Variants in OTUD7A observed in about 807,000 individuals in gnomAD.
OTUD7A encodes the protein OTU domain-containing protein 7A.
In OTUD7A, 12 loss-of-function variants were observed where a neutral mutation model predicts 65.7. The observed-to-expected ratio is 0.18, with a 90% confidence interval of 0.12 to 0.30. The LOEUF (loss-of-function observed/expected upper bound fraction) is 0.30, where lower values mean the gene tolerates loss of function less well. Ranked by LOEUF, OTUD7A falls within the 10% of genes least tolerant of loss-of-function variation. The probability of loss-of-function intolerance (pLI) is 1.00; values close to 1 mark genes in which losing one functional copy is unlikely to be tolerated. For synonymous variants in OTUD7A, 641 were observed against 586.3 expected (o/e 1.09, Z -1.35); for missense variants, 1,148 against 1,304.8 (o/e 0.88, Z 1.85).
chr15:31,578,394 A>C (rs1029046177), intron 3 of OTUD7A, among the ~76,000 whole-genome samples: 2 of 152,204 alleles, frequency 1.3e-5, no homozygotes, highest in African/African-American at 4.8e-5. Context: ...CTTCATCTGC[A>C]TAATAAAACT....
chr15:31,528,855 T>A (rs1164848160), intron 6 of OTUD7A, among the ~76,000 whole-genome samples: 3 of 152,230 alleles, frequency 2.0e-5, no homozygotes. Context: ...CCTGCGGAGT[T>A]TAGCTATATG....
intron 1 of OTUD7A, among the ~76,000 whole-genome samples, chr15:31,674,581 AC>A (rs1479616065): frequency 2.6e-5 from 4 of 152,046 alleles, no homozygotes; most frequent in Non-Finnish European, 5.9e-5. Context: ...AATTCCTAGC[AC>A]CCAGGGATGA....
chr15:31,616,957 T>C (rs188747809), intron 3 of OTUD7A, among the ~76,000 whole-genome samples: 89 of 152,312 alleles, frequency 5.8e-4, no homozygotes, highest in African/African-American at 2.0e-3. Context: ...TGCCAACCCC[T>C]GATCTGAGTA....
At chr15:31,818,790 C>T (rs529020036) in intron 1 of OTUD7A, among the ~76,000 whole-genome samples, 1 of 152,296 alleles carries the variant, frequency 6.6e-6, no homozygotes, top group African/African-American at 2.4e-5. Flanking sequence ...GTGATTGATA[C>T]AGAAATGAGC....
chr15:31,567,918 G>A (rs1003527623), intron 4 of OTUD7A, among the ~76,000 whole-genome samples: 3 of 152,262 alleles, frequency 2.0e-5, no homozygotes, highest in Admixed American at 6.5e-5. Context: ...AAGAGTGAAT[G>A]AGGTTTGGCA....
chr15:31,588,744 C>CA (rs907826902), intron 3 of OTUD7A, among the ~76,000 whole-genome samples: 20 of 152,236 alleles, frequency 1.3e-4, no homozygotes, highest in Non-Finnish European at 1.5e-4. Context: ...CCATCTTCCA[C>CA]ACGTGGCTTC....
chr15:31,527,888 A>G (rs1290966258), intron 6 of OTUD7A, among the ~76,000 whole-genome samples: 1 of 152,222 alleles, frequency 6.6e-6, no homozygotes, highest in Admixed American at 6.5e-5. Context: ...GAGAGGATAT[A>G]GAGAGAAACC....
At chr15:31,628,070 T>C (rs1447757970) in intron 3 of OTUD7A, among the ~76,000 whole-genome samples, 5 of 152,226 alleles carry the variant, frequency 3.3e-5, no homozygotes, top group Admixed American at 6.5e-5. Context: ...GTAGTTTCTT[T>C]TGCTGTGCAG....
At chr15:31,750,226 G>A (rs1480741039) in intron 1 of OTUD7A, among the ~76,000 whole-genome samples, 12 of 151,950 alleles carry the variant, frequency 7.9e-5, no homozygotes, top group African/African-American at 2.2e-4. Flanking sequence ...TGGCCAACAT[G>A]GTGAAAGCCT....
Position 31,654,718 on chromosome 15 carries a change from T to C in OTUD7A, c.151+378A>G, listed in dbSNP as rs575706822. 2.6e-5 allele frequency among the ~76,000 whole-genome samples: 4 copies of C among 152,330 alleles called. No individual in the cohort carries two copies. The East Asian group carries it at 7.7e-4, about 29-fold the overall frequency. On this transcript the variant is annotated intron_variant, in intron 3 of 12. Transcript: ENST00000307050. Reference sequence around the variant, plus strand: ...ATGCAATTTCTCATGCAGCAAATGGTATCTACGTGAAAAGCTGGAGGATGA... The same window carrying C: ...ATGCAATTTCTCATGCAGCAAATGGCATCTACGTGAAAAGCTGGAGGATGA...
At chr15:31,557,490 T>C (rs1888535372) in intron 5 of OTUD7A, 1 of 152,302 alleles carries the variant, frequency 6.6e-6, no homozygotes, top group Non-Finnish European at 1.5e-5. Flanking sequence ...AGAACCTGGA[T>C]GGTGGAGGAA....
chr15:31,635,265 AC>A (rs2141255087), intron 3 of OTUD7A, among the ~76,000 whole-genome samples: 1 of 152,340 alleles, frequency 6.6e-6, no homozygotes, highest in South Asian at 2.1e-4. Context: ...AAAACCTGGT[AC>A]TAAATACGGC....
intron 1 of OTUD7A, among the ~76,000 whole-genome samples, chr15:31,813,215 C>G (rs1319061222): frequency 6.6e-6 from 1 of 152,226 alleles, no homozygotes; most frequent in African/African-American, 2.4e-5. Context: ...CATGCCCTCC[C>G]CATGCCAATG....
chr15:31,665,670 TC>T (rs764476076), intron 1 of OTUD7A, among the ~76,000 whole-genome samples: 6 of 152,212 alleles, frequency 3.9e-5, no homozygotes, highest in Non-Finnish European at 5.9e-5. Context: ...GTCTGATTGC[TC>T]TGGCTAGGAC....
At chr15:31,626,603 T>A (rs1211796008) in intron 3 of OTUD7A, among the ~76,000 whole-genome samples, 2 of 152,106 alleles carry the variant, frequency 1.3e-5, no homozygotes, top group Admixed American at 6.6e-5. Context: ...TGAGGCAGGG[T>A]CTCACTGTGT....
intron 1 of OTUD7A, among the ~76,000 whole-genome samples, chr15:31,809,375 T>G (rs1442250603): frequency 6.6e-6 from 1 of 152,298 alleles, no homozygotes; most frequent in South Asian, 2.1e-4. Flanking sequence ...TGAGCGGTAG[T>G]GGTGGGTTAC....
chr15:31,754,513 T>C (rs1894754549), intron 1 of OTUD7A, among the ~76,000 whole-genome samples: 1 of 152,250 alleles, frequency 6.6e-6, no homozygotes, highest in Non-Finnish European at 1.5e-5. Context: ...AAGTCTTTAA[T>C]CCATCTTAAG....
At chr15:31,705,520 G>GCTCTAGTTGCCCGGCCTA (rs1893310301) in intron 1 of OTUD7A, among the ~76,000 whole-genome samples, 1 of 150,860 alleles carries the variant, frequency 6.6e-6, no homozygotes, top group Non-Finnish European at 1.5e-5. Context: ...AAGCCATCTG[G>GCTCTAGTTGCCCGGCCTA]ACTCCTTTTG....
intron 1 of OTUD7A, among the ~76,000 whole-genome samples, chr15:31,748,149 G>C (rs754827004): frequency 6.6e-6 from 1 of 152,018 alleles, no homozygotes; most frequent in Non-Finnish European, 1.5e-5. Flanking sequence ...TGAATATGGA[G>C]TGTAGATTAG....
Sources: allele counts gnomAD v4.1 joint callset (sites outside exome capture counted in the v4.1 genomes callset), GRCh38; gene constraint gnomAD v4.1.1; transcripts MANE v1.5; gene names NCBI Gene and HGNC (gene_info 2026-07-23, HGNC 2026-07-21).